The following RAB11FIP1 variants were observed in gnomAD, a reference collection of about 807,000 sequenced individuals.
RAB11FIP1 encodes the protein RAB11 family interacting protein 1, also known as rab11 family-interacting protein 1.
Under a neutral mutation model 83.1 loss-of-function variants are expected in RAB11FIP1, and 49 were observed. The ratio of observed to expected loss-of-function variants is 0.59; its 90% CI spans 0.47 to 0.75. The LOEUF is 0.75. Among genes scored for constraint, RAB11FIP1 ranks in the 30% least tolerant of loss-of-function variants. The pLI is 0.00. For synonymous variants in RAB11FIP1, 670 were observed against 656.0 expected (o/e 1.02, Z -0.33); for missense variants, 1,536 against 1,598.7 (o/e 0.96, Z 0.67).
rs1806183637 is a variant in RAB11FIP1, at chr8:37,859,170, T to C, written c.*3725A>G. On this transcript the variant is annotated 3_prime_UTR_variant, in exon 6 of 6. Transcript: ENST00000330843. ...ACCATATGGAGATACGGAGTTAAGT[T>C]TGGTGGATACTAGGAATTAAGTTCT... The C allele has an allele frequency of 6.6e-6, 1 of 151,838 alleles. No individual in the cohort carries two copies. The highest frequency in any genetic ancestry group is 2.1e-4 in the South Asian group (1 of 4,832). The allele number at this position is 151,838 out of a possible 1,614,324, so 9.4% of individuals were successfully genotyped here.
chr8:37,871,816 T>C lies in RAB11FIP1; in HGVS notation c.2986A>G (p.Ile996Val), dbSNP rs750535850. 7 of 1,614,078 alleles carry C rather than the reference T, an allele frequency of 4.3e-6. No homozygotes were observed. In the East Asian group the frequency reaches 1.3e-4, roughly 31 times the overall value. ...ACCAAGCCCAAGGACAAAGCTCCTA[T>C]GTCCAGAGTTGACGACTTTGCTGTC... ...GETAKSSTLD[I>V]GALSLGLVVP... Residue 996 changes from isoleucine (I) to valine (V), a missense_variant, in exon 4 of 6, where the codon ATA (isoleucine) becomes GTA (valine). Transcript: ENST00000330843.
Position 37,871,355 on chromosome 8 carries a change from G to A in RAB11FIP1, c.3447C>T (p.Leu1149=), listed in dbSNP as rs959900623. The A allele has an allele frequency of 3.1e-6, 5 of 1,614,206 alleles. No homozygotes were observed. In the South Asian group the frequency reaches 3.3e-5, roughly 11 times the overall value. The change falls in exon 4 of 6, where the codon CTC becomes CTT. Residue 1149 remains leucine, a synonymous_variant. Transcript: ENST00000330843. ...TCTCCGAGGGTGAGACCCAGGCCTG[G>A]AGGAGTGGCTTCCTCTTGCCAAAAT... ...VENFGKRKPL[L]QAWVSPSETH...
chr8:37,871,613 A>G lies in RAB11FIP1; in HGVS notation c.3189T>C (p.Asp1063=), dbSNP rs1806462348. The G allele has an allele frequency of 1.2e-6, 2 of 1,605,518 alleles. No individual in the cohort carries two copies. Among genetic ancestry groups the G allele is most frequent in the African/African-American group, 2.7e-5 (2 of 74,816 alleles). Reference sequence around the variant, plus strand: ...CACCACTGGGGCCTGGCAGCTGTTTATCCAAGCTTGAGCTCTTGCCAAGAT... The same window carrying G: ...CACCACTGGGGCCTGGCAGCTGTTTGTCCAAGCTTGAGCTCTTGCCAAGAT... The part of the protein sequence containing the change: ...KPHLGKSSSL[D]KQLPGPSGGE... The change falls in exon 4 of 6, where the codon GAT becomes GAC. Residue 1063 remains aspartate (D), a synonymous_variant. Transcript: ENST00000330843.
chr8:37,866,675 A>G (rs1806347318), intron 5 of RAB11FIP1, among the ~76,000 whole-genome samples: 1 of 64,250 alleles, frequency 1.6e-5, no homozygotes. Flanking sequence ...AACAACCAAG[A>G]AAAGAAAAAA....
intron 5 of RAB11FIP1, among the ~76,000 whole-genome samples, chr8:37,868,950 T>A (rs1395837523): frequency 6.6e-6 from 1 of 152,188 alleles, no homozygotes; most frequent in African/African-American, 2.4e-5. Flanking sequence ...GAAAACAGGC[T>A]GTGCATCTTG....
chr8:37,868,859 C>T (rs1001454580), intron 5 of RAB11FIP1, among the ~76,000 whole-genome samples: 14 of 151,970 alleles, frequency 9.2e-5, no homozygotes, highest in African/African-American at 2.9e-4. Flanking sequence ...GGAAATTTAC[C>T]TTAAGGAAAA....
At chr8:37,878,533 C>CAAAAAAAAA (rs918942295) in intron 1 of RAB11FIP1, among the ~76,000 whole-genome samples, 1 of 24,094 alleles carries the variant, frequency 4.2e-5, no homozygotes. Flanking sequence ...GACTCCATCT[C>CAAAAAAAAA]AAAAAAAAAA....
intron 1 of RAB11FIP1, among the ~76,000 whole-genome samples, chr8:37,884,154 G>A (rs780157536): frequency 9.5e-5 from 14 of 147,166 alleles, no homozygotes; most frequent in South Asian, 2.2e-4. Context: ...AACCACCGTC[G>A]CCCAGGTTCA....
At chr8:37,895,069 TG>T (rs1194685712) in intron 1 of RAB11FIP1, among the ~76,000 whole-genome samples, 4 of 143,704 alleles carry the variant, frequency 2.8e-5, no homozygotes, top group Admixed American at 7.1e-5. Context: ...TATATATATA[TG>T]TTTTTTTTTT....
chr8:37,897,846 G>T (rs1807122384), intron 1 of RAB11FIP1, among the ~76,000 whole-genome samples: 1 of 152,130 alleles, frequency 6.6e-6, no homozygotes, highest in African/African-American at 2.4e-5. Flanking sequence ...AACCCCCTAG[G>T]CAAGTATGAG....
Position 37,875,159 on chromosome 8 carries a change from C to G in RAB11FIP1, c.978G>C (p.Leu326=). 6.2e-7 allele frequency: 1 copy of G among 1,614,066 alleles called. No individual in the cohort carries two copies. The highest frequency in any genetic ancestry group is 8.5e-7 in the Non-Finnish European group (1 of 1,180,002). The stretch of plus-strand genomic sequence containing the variant: ...TCTCACCCTTGGCTTCTGGCTGCTC[C>G]AGGTAAACATGGTTCCCATTGATGC... ...NVCINGNHVY[L]EQPEAKGEIK... Residue 326 remains leucine (L), a synonymous_variant, in exon 3 of 6, where the codon CTG becomes CTC. Coordinates refer to ENST00000330843, the MANE Select transcript of RAB11FIP1 (RefSeq NM_001002814.3).
chr8:37,875,012 C>G lies in RAB11FIP1; in HGVS notation c.1125G>C (p.Leu375=), dbSNP rs752978894. 1 of 1,614,148 alleles carries G rather than the reference C, an allele frequency of 6.2e-7. No homozygotes were observed. Among genetic ancestry groups the G allele is most frequent in the South Asian group, 1.1e-5 (1 of 91,086 alleles). The change falls in exon 3 of 6, where the codon CTG becomes CTC. Residue 375 remains leucine, a synonymous_variant. Coordinates refer to ENST00000330843, the MANE Select transcript of RAB11FIP1 (RefSeq NM_001002814.3). The part of the protein sequence containing the change: ...SWKEPAEGGG[L]SSDRQLSESS... ...ATTCGGAGAGCTGCCTGTCAGAAGA[C>G]AGCCCACCTCCTTCAGCAGGCTCCT...
At chr8:37,883,571 C>T (rs1806766357) in intron 1 of RAB11FIP1, among the ~76,000 whole-genome samples, 1 of 152,226 alleles carries the variant, frequency 6.6e-6, no homozygotes, top group East Asian at 1.9e-4. Flanking sequence ...GTGAAAGCCA[C>T]AGTGCTTGAA....
At chr8:37,870,911 C>G in intron 4 of RAB11FIP1, 1 of 287,886 alleles carries the variant, frequency 3.5e-6, no homozygotes, top group Non-Finnish European at 6.4e-6. Flanking sequence ...AACAAACATA[C>G]AAGCTTCACG....
chr8:37,899,240 C>G lies in RAB11FIP1; in HGVS notation c.202G>C (p.Glu68Gln). The change falls in exon 1 of 6, where the codon GAG becomes CAG. Residue 68 changes from glutamate (E) to glutamine (Q), a missense_variant. By Grantham distance (29) the Glu-to-Gln change is conservative. Transcript: ENST00000330843. This position sits in a 1 kb window ranked among gnomAD's most constrained non-coding sequence, Gnocchi z 4.5. ...GATGGCAGCTCGAAGGTGGCCTCCT[C>G]GCGCCACACGGGCGCGCCCAGGCTG... ...ERSLGAPVWR[E>Q]EATFELPSLL... 1.3e-6 allele frequency: 2 copies of G among 1,596,116 alleles called. No individual in the cohort carries two copies. Among genetic ancestry groups the G allele is most frequent in the Non-Finnish European group, 1.7e-6 (2 of 1,174,830 alleles).
intron 2 of RAB11FIP1, among the ~76,000 whole-genome samples, chr8:37,875,720 G>A (rs183843171): frequency 8.5e-5 from 13 of 152,144 alleles, no homozygotes; most frequent in South Asian, 4.1e-4. Context: ...TATATCCCAC[G>A]AGGGTTGAGC....
chr8:37,872,203 C>T lies in RAB11FIP1; in HGVS notation c.2599G>A (p.Val867Met). ...PHAEDSERESVTTPGPATCGA... is the reference protein window; with the variant it reads ...PHAEDSERESMTTPGPATCGA... ...CACGTCGCTGGCCCAGGTGTGGTCACCGATTCCCTTTCTGAGTCCTCTGCG... is the reference window on the plus strand; with the variant it reads ...CACGTCGCTGGCCCAGGTGTGGTCATCGATTCCCTTTCTGAGTCCTCTGCG... The change falls in exon 4 of 6, where the codon GTG becomes ATG. Residue 867 changes from valine (V) to methionine (M), a missense_variant. By Grantham distance (21) the Val-to-Met change is conservative (BLOSUM62 1). Transcript: ENST00000330843. 1 of 1,614,072 alleles carries T rather than the reference C, an allele frequency of 6.2e-7. No individual in the cohort carries two copies. The highest frequency in any genetic ancestry group is 1.3e-5 in the African/African-American group (1 of 75,030).
chr8:37,865,752 T>A (rs1247881076), intron 5 of RAB11FIP1, among the ~76,000 whole-genome samples: 1 of 152,270 alleles, frequency 6.6e-6, no homozygotes, highest in Non-Finnish European at 1.5e-5. Flanking sequence ...TAATGGATGC[T>A]TAAAATCTCA....
rs10678344 is a variant in RAB11FIP1 at position 37,873,871 on chromosome 8, ATG to A, written c.1622+642_1622+643del. 6.8e-4 allele frequency among the ~76,000 whole-genome samples: 101 copies of A among 149,240 alleles called. 1 individual carries two copies. The highest frequency in any genetic ancestry group is 6.5e-3 in the East Asian group (33 of 5,106). On this transcript the variant is annotated intron_variant, in intron 3 of 5. Coordinates refer to ENST00000330843, the MANE Select transcript of RAB11FIP1 (RefSeq NM_001002814.3). ...AGGAACAGTGTGTATGTGTGTGTAT[ATG>A]TGTGTGTGTGTGTGTGTGCATGTCA... is the stretch of plus-strand genomic sequence containing the variant.
Sources: gnomAD v4.1 joint callset for allele counts (sites outside exome capture counted in the v4.1 genomes callset) on GRCh38, gnomAD v4.1.1 for gene constraint, Gnocchi (gnomAD v3.1) non-coding constraint, MANE v1.5 for transcripts, NCBI Gene and HGNC (gene_info 2026-07-23, HGNC 2026-07-21) for gene names.